Variants in STXBP6 observed in about 807,000 individuals in gnomAD.
The protein encoded by STXBP6 is syntaxin binding protein 6, also known as syntaxin-binding protein 6.
Under a neutral mutation model 26.9 loss-of-function variants are expected in STXBP6, and 21 were observed. That is an observed-to-expected ratio of 0.78 (90% CI 0.55 to 1.12). STXBP6 has a LOEUF of 1.12. Among genes scored for constraint, STXBP6 ranks in the 50% most tolerant of loss-of-function variants. The pLI is 0.00. For missense variants in STXBP6, 232 were observed against 257.9 expected, an observed-to-expected ratio of 0.90 and a Z score of 0.69; for synonymous variants, 97 against 92.6, an observed-to-expected ratio of 1.05 and a Z score of -0.27.
At chr14:24,891,165 C>A (rs550487327) in intron 2 of STXBP6, among the ~76,000 whole-genome samples, 5 of 152,124 alleles carry the variant, frequency 3.3e-5, no homozygotes, top group Non-Finnish European at 7.3e-5. Flanking sequence ...ATGTTAATTA[C>A]GGATGCAAAC....
At chr14:24,973,379 C>CTTTTTTT (rs1057437135) in intron 2 of STXBP6, among the ~76,000 whole-genome samples, 5 of 76,796 alleles carry the variant, frequency 6.5e-5, no homozygotes, top group Non-Finnish European at 1.1e-4. Flanking sequence ...AGCTTTCTTC[C>CTTTTTTT]TTTTTTTTTT....
rs1468520381 is a variant in STXBP6, at chr14:24,810,147, C to CT, written c.*2561dup. Reference sequence around the variant, plus strand: ...GTGGTAATACTGGAAAGTTTCTTTCCTTTTTGAGTTGTCTATACAATAAGT... The same window carrying CT: ...GTGGTAATACTGGAAAGTTTCTTTCCTTTTTTGAGTTGTCTATACAATAAGT... On this transcript the variant is annotated 3_prime_UTR_variant, in exon 6 of 6. Transcript: ENST00000323944. 2.6e-5 allele frequency: 4 copies of CT among 152,298 alleles called. No individual in the cohort carries two copies. The highest frequency in any genetic ancestry group is 3.4e-3 in the Middle Eastern group (1 of 294). The allele number at this position is 152,298 out of a possible 1,614,324, so 9.4% of individuals were successfully genotyped here.
At chr14:25,000,906 T>G (rs1381719148) in intron 1 of STXBP6, among the ~76,000 whole-genome samples, 5 of 152,020 alleles carry the variant, frequency 3.3e-5, no homozygotes, top group African/African-American at 1.2e-4. Flanking sequence ...GTCCATACTT[T>G]GTTGAACCTA....
intron 2 of STXBP6, among the ~76,000 whole-genome samples, chr14:24,949,520 C>T (rs2073095973): frequency 6.6e-6 from 1 of 152,126 alleles, no homozygotes; most frequent in Non-Finnish European, 1.5e-5. Context: ...AACCATGCTC[C>T]ATTTTCCTCA....
intron 2 of STXBP6, among the ~76,000 whole-genome samples, chr14:24,933,218 T>A (rs1468949641): frequency 6.6e-6 from 1 of 152,134 alleles, no homozygotes; most frequent in Non-Finnish European, 1.5e-5. Context: ...GGTGACTGCC[T>A]ATAGTCCCAA....
chr14:25,010,935 A>G (rs2075014449), intron 1 of STXBP6, among the ~76,000 whole-genome samples: 1 of 152,158 alleles, frequency 6.6e-6, no homozygotes, highest in Non-Finnish European at 1.5e-5. Context: ...TTCTAAAACT[A>G]CCTTCAACAA....
intron 2 of STXBP6, among the ~76,000 whole-genome samples, chr14:24,899,802 A>AAAAAAG (rs2071142544): frequency 1.2e-5 from 1 of 83,468 alleles, no homozygotes; most frequent in Admixed American, 1.4e-4. Context: ...AAAAAAAAGC[A>AAAAAAG]AAAAAAAAAA....
chr14:24,858,806 G>A (rs1164920411), intron 2 of STXBP6, among the ~76,000 whole-genome samples: 2 of 152,094 alleles, frequency 1.3e-5, no homozygotes, highest in Non-Finnish European at 2.9e-5. Context: ...TGGAATACAG[G>A]CAGGTCTTAA....
At chr14:24,919,786 A>C (rs911394753) in intron 2 of STXBP6, among the ~76,000 whole-genome samples, 3 of 152,034 alleles carry the variant, frequency 2.0e-5, no homozygotes, top group Non-Finnish European at 2.9e-5. Context: ...AGTTGTGTGT[A>C]TGTACTTAAG....
At position 25,049,851 on chromosome 14, in the gene STXBP6, G is replaced by T. The variant is rs1252533364; in HGVS notation, c.-33+27C>A. ...CCCGGGCTTGGCCTCCGCCCTGACC[G>T]CCTGGCTCCCCTCGCCCCGGTCCTA... On this transcript the variant is annotated intron_variant, in intron 1 of 5. Transcript: ENST00000323944. The surrounding 1 kb of genome is among the most constrained non-coding windows in gnomAD (Gnocchi z 5.6). 2 of 985,410 alleles carry T rather than the reference G, an allele frequency of 2.0e-6. No individual in the cohort carries two copies. Among genetic ancestry groups the T allele is most frequent in the Non-Finnish European group, 2.4e-6 (2 of 830,116 alleles). The allele number at this position is 985,410 out of a possible 1,614,324, so 61.0% of individuals were successfully genotyped here.
At chr14:24,901,967 T>G (rs1157520217) in intron 2 of STXBP6, among the ~76,000 whole-genome samples, 2 of 152,166 alleles carry the variant, frequency 1.3e-5, no homozygotes, top group Non-Finnish European at 2.9e-5. Context: ...AATATCAAGC[T>G]GTACCCTTAA....
intron 2 of STXBP6, among the ~76,000 whole-genome samples, chr14:24,925,887 A>G (rs1425555327): frequency 6.6e-6 from 1 of 152,216 alleles, no homozygotes; most frequent in Non-Finnish European, 1.5e-5. Context: ...CGGAAGTTAC[A>G]ACACAAAAAA....
At chr14:25,015,295 G>C (rs2075124294) in intron 1 of STXBP6, among the ~76,000 whole-genome samples, 1 of 152,108 alleles carries the variant, frequency 6.6e-6, no homozygotes, top group East Asian at 1.9e-4. Flanking sequence ...TTTCAGTGCA[G>C]GAAGCTGGAG....
intron 2 of STXBP6, among the ~76,000 whole-genome samples, chr14:24,916,206 CT>C: frequency 6.6e-6 from 1 of 152,026 alleles, no homozygotes; most frequent in Non-Finnish European, 1.5e-5. Context: ...TGGTATTTGC[CT>C]AAATTGCTAT....
intron 1 of STXBP6, among the ~76,000 whole-genome samples, chr14:25,019,610 T>C (rs1222283806): frequency 1.3e-5 from 2 of 152,204 alleles, no homozygotes; most frequent in South Asian, 2.1e-4. Flanking sequence ...AGCAGATATC[T>C]TGAGTGCTGA....
At chr14:24,887,145 C>T (rs2070619814) in intron 2 of STXBP6, among the ~76,000 whole-genome samples, 1 of 152,152 alleles carries the variant, frequency 6.6e-6, no homozygotes, top group African/African-American at 2.4e-5. Context: ...CAAAAAGCTT[C>T]CTAAACTATT....
At chr14:25,009,816 G>A (rs565786861) in intron 1 of STXBP6, among the ~76,000 whole-genome samples, 1 of 152,302 alleles carries the variant, frequency 6.6e-6, no homozygotes, top group Admixed American at 6.5e-5. Flanking sequence ...CAATATGACT[G>A]CCACTGTATG....
At chr14:24,885,069 C>A (rs1390421438) in intron 2 of STXBP6, among the ~76,000 whole-genome samples, 1 of 152,142 alleles carries the variant, frequency 6.6e-6, no homozygotes, top group South Asian at 2.1e-4. Context: ...AAGGATGATA[C>A]ACCTATTTAG....
chr14:24,994,892 C>T (rs1033286538), intron 1 of STXBP6: 3 of 151,870 alleles, frequency 2.0e-5, no homozygotes, highest in Non-Finnish European at 4.4e-5. Context: ...ATCTGTTGTC[C>T]CAGCTACTTG....
Sources: allele counts gnomAD v4.1 joint callset (sites outside exome capture counted in the v4.1 genomes callset), GRCh38; gene constraint gnomAD v4.1.1; non-coding constraint Gnocchi (gnomAD v3.1); transcripts MANE v1.5; gene names NCBI Gene and HGNC (gene_info 2026-07-23, HGNC 2026-07-21).